The following ABCB5 variants were observed in gnomAD, a reference collection of about 807,000 sequenced individuals.
The protein encoded by ABCB5 is ATP binding cassette subfamily B member 5.
In ABCB5, 155 loss-of-function variants were observed where a neutral mutation model predicts 144.2. That is an observed-to-expected ratio of 1.08 (90% CI 0.94 to 1.23). The LOEUF (loss-of-function observed/expected upper bound fraction) is 1.23, where lower values mean the gene tolerates loss of function less well. Ranked by LOEUF, ABCB5 falls within the 50% of genes most tolerant of loss-of-function variation. The pLI is 0.00. For missense variants in ABCB5, 1,830 were observed against 1,520.8 expected (o/e 1.20, Z -3.38); for synonymous variants, 610 against 528.6 (o/e 1.15, Z -2.11).
intron 16 of ABCB5, among the ~76,000 whole-genome samples, chr7:20,686,760 C>T (rs1254296601): frequency 1.3e-5 from 2 of 152,138 alleles, no homozygotes; most frequent in Admixed American, 1.3e-4. Flanking sequence ...TTGTTTCCTC[C>T]CAAACTAGAG....
rs775041224 is a variant in ABCB5, at chr7:20,704,699, A to G, written c.2338-25A>G. On this transcript the variant is annotated intron_variant, in intron 19 of 27. Transcript: ENST00000404938. Reference sequence around the variant, plus strand: ...ATAAAAAAAATGATTTTTGACAACCATATGTTAATTCTCCTTTTCTCTAGG... The same window carrying G: ...ATAAAAAAAATGATTTTTGACAACCGTATGTTAATTCTCCTTTTCTCTAGG... The G allele has an allele frequency of 1.0e-5, 16 of 1,592,414 alleles. No individual in the cohort carries two copies. The Admixed American group carries it at 2.4e-4, about 24-fold the overall frequency.
intron 7 of ABCB5, among the ~76,000 whole-genome samples, chr7:20,644,763 T>C (rs915807011): frequency 6.6e-6 from 1 of 152,208 alleles, no homozygotes; most frequent in Non-Finnish European, 1.5e-5. Flanking sequence ...ACTAACAATA[T>C]AGTAATTCAA....
intron 26 of ABCB5, among the ~76,000 whole-genome samples, chr7:20,745,682 G>T (rs531442508): frequency 2.5e-4 from 38 of 152,068 alleles, no homozygotes; most frequent in African/African-American, 8.9e-4. Flanking sequence ...TTTGTTATTT[G>T]CCTTCCATCC....
Position 20,681,495 on chromosome 7 carries a change from T to C in ABCB5, c.1708-10T>C, listed in dbSNP as rs181054186. 6.2e-6 allele frequency: 10 copies of C among 1,613,726 alleles called. No homozygotes were observed. In the African/African-American group the frequency reaches 9.3e-5, roughly 15 times the overall value. On this transcript the variant is annotated splice_polypyrimidine_tract_variant and intron_variant, in intron 14 of 27. Transcript: ENST00000404938. ...ATGTCTATTTATTTTCTATGCATTT[T>C]ATTCTGTAGGCGAGCAAAGGTCGGA...
Position 20,681,666 on chromosome 7 carries a change from G to A in ABCB5, c.1869G>A (p.Gln623=), listed in dbSNP as rs1311700031. 1.2e-6 allele frequency: 2 copies of A among 1,613,510 alleles called. No individual in the cohort carries two copies. Among genetic ancestry groups the A allele is most frequent in the Non-Finnish European group, 1.7e-6 (2 of 1,179,702 alleles). ...TATATTATTCACTTGTGATGTCACA[G>A]GTAATGCTTATGTGACATAATGCTA... ...RGLYYSLVMS[Q]DIKKADEQME... is the part of the protein sequence containing the mutation. The change falls in exon 15 of 28, where the codon CAG becomes CAA. Residue 623 remains glutamine (Q), a splice_region_variant and synonymous_variant. Transcript: ENST00000404938.
At chr7:20,715,276 C>A (rs1174765738) in intron 20 of ABCB5, among the ~76,000 whole-genome samples, 1 of 152,132 alleles carries the variant, frequency 6.6e-6, no homozygotes, top group African/African-American at 2.4e-5. Context: ...GAACTCCTGA[C>A]CTCAGGTGAT....
At position 20,700,093 on chromosome 7, in the gene ABCB5, G is replaced by A. The variant is rs534864722; in HGVS notation, c.2295G>A (p.Thr765=). 5.9e-5 allele frequency: 96 copies of A among 1,613,770 alleles called. 3 individuals carry two copies. The South Asian group carries it at 8.8e-4, about 15-fold the overall frequency. Residue 765 remains threonine, a synonymous_variant, in exon 19 of 28, where the codon ACG becomes ACA. Transcript: ENST00000404938. ...ACGGCAGAGCAGGGGAAATTTTAAC[G>A]ATGAGATTAAGACACTTGGCCTTCA... ...LFYGRAGEIL[T]MRLRHLAFKA...
rs1472780180 is a variant in ABCB5, at chr7:20,639,576, G to C, written c.315-3608G>C. The stretch of plus-strand genomic sequence containing the variant: ...TTTTTTTGCATGTGGCTGTCCAGTT[G>C]TCCCAGAACCATTTGTTGAAAAAAC... On this transcript the variant is annotated intron_variant, in intron 5 of 27. Transcript: ENST00000404938. Among the ~76,000 whole-genome samples, 6 of 152,094 alleles carry C rather than the reference G, an allele frequency of 3.9e-5. No homozygotes were observed. The East Asian group carries it at 1.2e-3, about 29-fold the overall frequency.
chr7:20,673,968 A>G (rs1785529115), intron 14 of ABCB5, among the ~76,000 whole-genome samples: 1 of 151,942 alleles, frequency 6.6e-6, no homozygotes, highest in Non-Finnish European at 1.5e-5. Context: ...TATGGTGTAC[A>G]CATTTAACTT....
chr7:20,751,398 G>A (rs1782925352), intron 26 of ABCB5, among the ~76,000 whole-genome samples: 1 of 152,140 alleles, frequency 6.6e-6, no homozygotes, highest in Non-Finnish European at 1.5e-5. Flanking sequence ...GTGAACCCGG[G>A]AAGCGGAGCT....
rs754850707 is a variant in ABCB5, at chr7:20,753,312, A to C, written c.3430-48A>C. 4 of 1,562,600 alleles carry C rather than the reference A, an allele frequency of 2.6e-6. No homozygotes were observed. In the African/African-American group the frequency reaches 5.5e-5, roughly 21 times the overall value. On this transcript the variant is annotated intron_variant, in intron 26 of 27. Transcript: ENST00000404938. Reference sequence around the variant, plus strand: ...GTTCTCGCCCACAGTTGCCATGCTAATTTAAATAACCAAGACTTGCTTTCT... The same window carrying C: ...GTTCTCGCCCACAGTTGCCATGCTACTTTAAATAACCAAGACTTGCTTTCT...
chr7:20,685,867 T>A (rs577371381), intron 16 of ABCB5, 31 bp downstream of exon 16: 1 of 1,555,412 alleles, frequency 6.4e-7, no homozygotes, highest in Admixed American at 2.2e-5. Context: ...CAGTTTTTCC[T>A]GCATGTTTTC....
At chr7:20,665,775 A>ACATG (rs1491097376) in intron 14 of ABCB5, among the ~76,000 whole-genome samples, 6 of 147,488 alleles carry the variant, frequency 4.1e-5, no homozygotes, top group Non-Finnish European at 7.5e-5. Context: ...AGAGATACAT[A>ACATG]CATACATACA....
chr7:20,690,982 G>A (rs1786201299), intron 16 of ABCB5, among the ~76,000 whole-genome samples: 1 of 152,028 alleles, frequency 6.6e-6, no homozygotes, highest in Admixed American at 6.6e-5. Flanking sequence ...CTGCTTGATA[G>A]AACTAAGAAA....
rs1410753891 is a variant in ABCB5 at position 20,681,397 on chromosome 7, AATTACAGGC to A, written c.1708-105_1708-97del. The A allele has an allele frequency of 4.1e-5, 52 of 1,274,122 alleles. No homozygotes were observed. In the African/African-American group the frequency reaches 7.0e-4, roughly 17 times the overall value. The allele number at this position is 1,274,122 out of a possible 1,614,324, so 78.9% of individuals were successfully genotyped here. On this transcript the variant is annotated intron_variant, in intron 14 of 27. Coordinates refer to ENST00000404938, the MANE Select transcript of ABCB5 (RefSeq NM_001163941.2). ...CCTCCTCGGCCTCCCAAAGTGCTGG[AATTACAGGC>A]ATGAGCCACCATGCCGGGTCAACAA...
intron 17 of ABCB5, among the ~76,000 whole-genome samples, chr7:20,698,976 A>G (rs993013765): frequency 2.0e-5 from 3 of 152,206 alleles, no homozygotes; most frequent in Non-Finnish European, 4.4e-5. Flanking sequence ...GGTGTGTTTA[A>G]GGATCTTACA....
chr7:20,676,932 T>C (rs1317462089), intron 14 of ABCB5, among the ~76,000 whole-genome samples: 4 of 152,108 alleles, frequency 2.6e-5, no homozygotes, highest in African/African-American at 9.7e-5. Flanking sequence ...AAAACACAAA[T>C]GATGAAATTA....
chr7:20,662,934 C>T (rs1422277818), intron 14 of ABCB5, among the ~76,000 whole-genome samples: 1 of 152,130 alleles, frequency 6.6e-6, no homozygotes. Context: ...TTTGTGGGTC[C>T]TTATTTTAGA....
chr7:20,650,072 G>C lies in ABCB5; in HGVS notation c.1257G>C (p.Leu419Phe), dbSNP rs770107878. ...TTAAGTCTGGAGAGACAGTCGCCTT[G>C]GTCGGTCTCAATGGCAGTGGGAAGA... Reference protein sequence around the residue: ...LRIKSGETVALVGLNGSGKST... With the variant: ...LRIKSGETVAFVGLNGSGKST... The change falls in exon 12 of 28, where the codon TTG becomes TTC. Residue 419 changes from leucine to phenylalanine, a missense_variant. Leu to Phe is a conservative substitution (Grantham distance 22). Coordinates refer to ENST00000404938, the MANE Select transcript of ABCB5 (RefSeq NM_001163941.2). The C allele has an allele frequency of 6.2e-7, 1 of 1,613,568 alleles. No homozygotes were observed.
Sources: gnomAD v4.1 joint callset for allele counts (sites outside exome capture counted in the v4.1 genomes callset) on GRCh38, gnomAD v4.1.1 for gene constraint, MANE v1.5 for transcripts, NCBI Gene and HGNC (gene_info 2026-07-23, HGNC 2026-07-21) for gene names.